Variants in COBL observed in about 807,000 individuals in gnomAD.
COBL encodes cordon-bleu WH2 repeat protein, also known as protein cordon-bleu.
COBL carries 51 observed loss-of-function variants against 98.8 expected under a neutral mutation model. That is an observed-to-expected ratio of 0.52 (90% CI 0.41 to 0.65). The LOEUF (loss-of-function observed/expected upper bound fraction) is 0.65. Among genes scored for constraint, COBL ranks in the 30% least tolerant of loss-of-function variants. The pLI, the probability that COBL is intolerant of heterozygous loss-of-function variation, is 0.00. For missense variants in COBL, 1,617 were observed against 1,617.5 expected, an observed-to-expected ratio of 1.00 and a Z score of 0.01; for synonymous variants, 634 against 651.7, an observed-to-expected ratio of 0.97 and a Z score of 0.41.
chr7:51,191,158 G>T, intron 3 of COBL, 80 bp from the exon 4 acceptor site: 1 of 1,251,414 alleles, frequency 8.0e-7, no homozygotes, highest in South Asian at 1.3e-5. Flanking sequence ...TTTGACAATT[G>T]GGTGTGGCAG....
chr7:51,073,291 A>G, intron 7 of COBL: 2 of 653,040 alleles, frequency 3.1e-6, no homozygotes, highest in Admixed American at 2.3e-5. Context: ...AATCAGAGCC[A>G]GGGCAGAAGA....
At chr7:51,289,231 C>CT (rs1241938901) in intron 1 of COBL, among the ~76,000 whole-genome samples, 3 of 152,226 alleles carry the variant, frequency 2.0e-5, no homozygotes, top group Admixed American at 6.5e-5. Context: ...ACAAGTCTAT[C>CT]ATTTGATTAT....
chr7:51,275,915 T>G (rs1799269891), intron 1 of COBL, among the ~76,000 whole-genome samples: 1 of 152,196 alleles, frequency 6.6e-6, no homozygotes, highest in Admixed American at 6.5e-5. Flanking sequence ...CTGCCGGGGT[T>G]TTGTGAGGTT....
intron 6 of COBL, among the ~76,000 whole-genome samples, chr7:51,086,440 G>A (rs1054948514): frequency 1.3e-5 from 2 of 149,496 alleles, no homozygotes; most frequent in African/African-American, 2.5e-5. Context: ...TAGTAGCTCA[G>A]AGCCAAGTCT....
chr7:51,179,736 A>G (rs79689904), intron 5 of COBL, among the ~76,000 whole-genome samples: 2,151 of 152,272 alleles, frequency 0.014, 48 homozygotes, highest in African/African-American at 0.05. Context: ...CAAGTTTCTG[A>G]TAATTTTGGA....
intron 6 of COBL, among the ~76,000 whole-genome samples, chr7:51,093,631 C>T (rs1397559967): frequency 6.6e-6 from 1 of 152,222 alleles, no homozygotes; most frequent in African/African-American, 2.4e-5. Flanking sequence ...ATGGCTCACA[C>T]CTGTAATCCT....
In COBL at chr7:51,220,060, G is replaced by A. The variant is rs750813893; in HGVS notation, c.42-116C>T. 32 of 897,412 alleles carry A rather than the reference G, an allele frequency of 3.6e-5. No individual in the cohort carries two copies. The African/African-American group carries it at 4.1e-4, about 11-fold the overall frequency. The allele number at this position is 897,412 out of a possible 1,614,324, so 55.6% of individuals were successfully genotyped here. ...TTCAGGAGCACCTTCCAAGTGCCAC[G>A]GCCTTTTTAAAATCAATGTCCCCCA... is the stretch of plus-strand genomic sequence containing the variant. On this transcript the variant is annotated intron_variant, in intron 1 of 12. Coordinates refer to ENST00000265136, the MANE Select transcript of COBL (RefSeq NM_015198.5).
chr7:51,085,327 GT>G (rs59837144), intron 6 of COBL, 23 bp from the exon 7 acceptor site: 691,520 of 1,584,676 alleles, frequency 0.44, 153,302 homozygotes, highest in African/African-American at 0.53. Context: ...AAGAAGGAAA[GT>G]ACAATCAAAG....
intron 6 of COBL, among the ~76,000 whole-genome samples, chr7:51,114,605 T>C (rs1438859426): frequency 1.3e-5 from 2 of 152,166 alleles, no homozygotes; most frequent in African/African-American, 4.8e-5. Context: ...CCATTCTCTG[T>C]CCTTGATCAG....
At chr7:51,159,153 G>A (rs1786524400) in intron 5 of COBL, among the ~76,000 whole-genome samples, 1 of 152,182 alleles carries the variant, frequency 6.6e-6, no homozygotes, top group Non-Finnish European at 1.5e-5. Context: ...TGGCGGCCGC[G>A]CGCGCTGCGC....
At chr7:51,301,434 C>T (rs567695759) in intron 1 of COBL, among the ~76,000 whole-genome samples, 209 of 152,344 alleles carry the variant, frequency 1.4e-3, no homozygotes, top group African/African-American at 4.8e-3. Flanking sequence ...GAACTCACAA[C>T]ACAGTGGCAC....
chr7:51,060,780 C>T (rs1437673855), intron 7 of COBL, among the ~76,000 whole-genome samples: 1 of 152,120 alleles, frequency 6.6e-6, no homozygotes, highest in Non-Finnish European at 1.5e-5. Flanking sequence ...AATGATTCCA[C>T]CGAACTGGAA....
chr7:51,105,394 C>T (rs370540315), intron 6 of COBL, among the ~76,000 whole-genome samples: 14 of 152,304 alleles, frequency 9.2e-5, no homozygotes, highest in African/African-American at 3.1e-4. Flanking sequence ...CTCTCTGTGC[C>T]TTGGTTCCCT....
At chr7:51,134,858 G>A (rs749936824) in intron 6 of COBL, among the ~76,000 whole-genome samples, 1 of 151,976 alleles carries the variant, frequency 6.6e-6, no homozygotes, top group African/African-American at 2.4e-5. Context: ...CAACAAAAAG[G>A]TACCATTTGT....
At chr7:51,157,933 A>T (rs1180462741) in intron 5 of COBL, among the ~76,000 whole-genome samples, 1 of 152,242 alleles carries the variant, frequency 6.6e-6, no homozygotes, top group Non-Finnish European at 1.5e-5. Context: ...CATCACACAC[A>T]TTGTTAAAAC....
intron 1 of COBL, among the ~76,000 whole-genome samples, chr7:51,270,915 T>C (rs1033719125): frequency 1.2e-4 from 18 of 152,160 alleles, no homozygotes; most frequent in Admixed American, 1.3e-4. Context: ...ACTGACATAT[T>C]AACTTATTTT....
rs1320740121 is a variant in COBL, at chr7:51,316,791, A to ATCGTCTCTAGCGGGCG, written c.-159_-158insCGCCCGCTAGAGACGA. 8.3e-6 allele frequency: 4 copies of ATCGTCTCTAGCGGGCG among 479,896 alleles called. No homozygotes were observed. The Admixed American group carries it at 2.0e-4, about 24-fold the overall frequency. The allele number at this position is 479,896 out of a possible 1,614,324, so 29.7% of individuals were successfully genotyped here. A position where few individuals can be genotyped will look rare whatever the true frequency, so the allele number is the denominator to read the frequency against. On this transcript the variant is annotated 5_prime_UTR_variant, in exon 1 of 13. Coordinates refer to ENST00000265136, the MANE Select transcript of COBL (RefSeq NM_015198.5). ...ACAGCGGCGGAGCGCGGCGGACGGAAGGGGCTGGAATCGTCTCTAGCGGGC... is the reference window on the plus strand; with the variant it reads ...ACAGCGGCGGAGCGCGGCGGACGGAATCGTCTCTAGCGGGCGGGGGCTGGAATCGTCTCTAGCGGGC...
At chr7:51,159,539 A>G (rs950298206) in intron 5 of COBL, among the ~76,000 whole-genome samples, 34 of 152,226 alleles carry the variant, frequency 2.2e-4, no homozygotes, top group Admixed American at 1.1e-3. Flanking sequence ...CTTGTCTGAC[A>G]AAGAGCAGGG....
At chr7:51,064,010 C>A (rs1266410602) in intron 7 of COBL, among the ~76,000 whole-genome samples, 2 of 152,218 alleles carry the variant, frequency 1.3e-5, no homozygotes, top group Non-Finnish European at 2.9e-5. Flanking sequence ...CTATGTACTT[C>A]TCTGGACAGT....
Sources: allele counts gnomAD v4.1 joint callset (sites outside exome capture counted in the v4.1 genomes callset), GRCh38; gene constraint gnomAD v4.1.1; transcripts MANE v1.5; gene names NCBI Gene and HGNC (gene_info 2026-07-23, HGNC 2026-07-21).